RDX: variants seen among roughly 807,000 people sequenced by gnomAD.
RDX encodes deafness, autosomal recessive 24.
RDX carries 32 observed loss-of-function variants against 83.7 expected under a neutral mutation model. The ratio of observed to expected loss-of-function variants is 0.38; its 90% CI spans 0.29 to 0.51. The LOEUF (loss-of-function observed/expected upper bound fraction) is 0.51, where lower values mean the gene tolerates loss of function less well. RDX is among the 20% of genes least tolerant of loss of function. RDX has a pLI of 0.87. For synonymous variants in RDX, 229 were observed against 222.7 expected, an observed-to-expected ratio of 1.03 and a Z score of -0.25; for missense variants, 600 against 689.9, an observed-to-expected ratio of 0.87 and a Z score of 1.46.
At chr11:110,200,626 G>C (rs1438415309) in intron 14 of RDX, among the ~76,000 whole-genome samples, 4 of 152,168 alleles carry the variant, frequency 2.6e-5, no homozygotes, top group African/African-American at 7.2e-5. Flanking sequence ...GAGTGATTTT[G>C]TTTCTAGGCA....
At chr11:110,186,639 C>A (rs1862993102) in intron 15 of RDX, among the ~76,000 whole-genome samples, 1 of 151,954 alleles carries the variant, frequency 6.6e-6, no homozygotes, top group Non-Finnish European at 1.5e-5. Flanking sequence ...GTGAGTGACG[C>A]CCCAGAAACT....
At chr11:110,194,251 T>C (rs1283419833) in intron 15 of RDX, among the ~76,000 whole-genome samples, 1 of 152,188 alleles carries the variant, frequency 6.6e-6, no homozygotes, top group African/African-American at 2.4e-5. Flanking sequence ...GCCCCTGCCA[T>C]AGGGTAACAA....
rs575058152 is a variant in RDX, at chr11:110,199,004, G to A, written c.*31+577C>T. On this transcript the variant is annotated intron_variant, in intron 15 of 15. Transcript: ENST00000528498. ...TTTTTTTTGTATTTTTAGTAGAGAC[G>A]GGGTTTCACCATGTTGGCCAGGCTA... Among the ~76,000 whole-genome samples, 15 of 151,990 alleles carry A rather than the reference G, an allele frequency of 9.9e-5. No individual in the cohort carries two copies. The South Asian group carries it at 2.1e-3, about 21-fold the overall frequency.
chr11:110,229,858 G>A lies in RDX; in HGVS notation c.*2011C>T, dbSNP rs1475889341. 1 of 152,404 alleles carries A rather than the reference G, an allele frequency of 6.6e-6. No individual in the cohort carries two copies. The highest frequency in any genetic ancestry group is 1.5e-5 in the Non-Finnish European group (1 of 67,924). The allele number at this position is 152,404 out of a possible 1,614,324, so 9.4% of individuals were successfully genotyped here. A position where few individuals can be genotyped will look rare whatever the true frequency, so the allele number is the denominator to read the frequency against. On this transcript the variant is annotated 3_prime_UTR_variant, in exon 14 of 14. Coordinates refer to ENST00000645495, the MANE Select transcript of RDX (RefSeq NM_002906.4). ...TAACAAAAATCCAATGAAAGTTCAG[G>A]TTTTTATCTATTATGCAATTGCTTT...
chr11:110,261,569 T>C (rs1380408156), intron 5 of RDX, among the ~76,000 whole-genome samples: 1 of 152,148 alleles, frequency 6.6e-6, no homozygotes, highest in Non-Finnish European at 1.5e-5. Flanking sequence ...CGATATACCA[T>C]ACTGGAATAA....
At chr11:110,182,880 A>T (rs1032805129) in intron 15 of RDX, among the ~76,000 whole-genome samples, 9 of 152,160 alleles carry the variant, frequency 5.9e-5, no homozygotes, top group African/African-American at 2.2e-4. Flanking sequence ...TTTGGGGAGG[A>T]ACAAAATAAA....
chr11:110,292,738 G>T (rs764578924), intron 1 of RDX, among the ~76,000 whole-genome samples: 1 of 151,408 alleles, frequency 6.6e-6, no homozygotes, highest in South Asian at 2.1e-4. Flanking sequence ...ATTACTAATA[G>T]CTTTATAAAT....
At chr11:110,245,206 C>T (rs754488680) in intron 10 of RDX, among the ~76,000 whole-genome samples, 1 of 152,156 alleles carries the variant, frequency 6.6e-6, no homozygotes, top group Non-Finnish European at 1.5e-5. Flanking sequence ...CCCGCCTCAG[C>T]CTCCCAAAGT....
intron 13 of RDX, among the ~76,000 whole-genome samples, chr11:110,232,530 T>C (rs1864680586): frequency 6.7e-6 from 1 of 148,496 alleles, no homozygotes; most frequent in Non-Finnish European, 1.5e-5. Context: ...TATACTGACC[T>C]TTTGCCAATA....
At chr11:110,192,113 A>G (rs558715872) in intron 15 of RDX, among the ~76,000 whole-genome samples, 2 of 152,316 alleles carry the variant, frequency 1.3e-5, no homozygotes, top group South Asian at 2.1e-4. Flanking sequence ...AACCAGAGGC[A>G]TCACGTAACC....
rs1227926959 is a variant in RDX, at chr11:110,184,135, G to A, written c.*32-8901C>T. 6.6e-5 allele frequency among the ~76,000 whole-genome samples: 10 copies of A among 152,340 alleles called. No individual in the cohort carries two copies. In the South Asian group the frequency reaches 1.2e-3, roughly 19 times the overall value. On this transcript the variant is annotated intron_variant, in intron 15 of 15. Coordinates refer to the RDX transcript ENST00000528498. ...GAGCACGTGAGAGCCCAAGGGCAGAGGGGATGATAGAACAATCTGGCGCTG... is the reference window on the plus strand; with the variant it reads ...GAGCACGTGAGAGCCCAAGGGCAGAAGGGATGATAGAACAATCTGGCGCTG...
intron 3 of RDX, among the ~76,000 whole-genome samples, chr11:110,265,078 T>TC (rs929062003): frequency 6.6e-6 from 1 of 150,690 alleles, no homozygotes. Context: ...AATTTTTCTT[T>TC]TTTTTTTTTT....
chr11:110,282,872 G>C (rs547276426), intron 1 of RDX, among the ~76,000 whole-genome samples: 18 of 152,136 alleles, frequency 1.2e-4, no homozygotes, highest in Admixed American at 2.6e-4. Context: ...AGCTACTCAA[G>C]AGGCTAAGGC....
chr11:110,210,214 A>G lies in RDX; in HGVS notation c.1749-10536T>C, dbSNP rs1052738618. Among the ~76,000 whole-genome samples the G allele has an allele frequency of 1.5e-4, 20 of 134,690 alleles. No individual in the cohort carries two copies. The East Asian group carries it at 3.3e-3, about 22-fold the overall frequency. The allele number at this position is 134,690 out of a possible 152,430, so 88.4% of individuals were successfully genotyped here. ...ATGCAGAAGCCTCAGGAGCCGATGC[A>G]ATCAACTGGAAGAAAGGGTATCAGC... On this transcript the variant is annotated intron_variant, in intron 14 of 15. Transcript: ENST00000528498.
intron 3 of RDX, among the ~76,000 whole-genome samples, chr11:110,266,428 T>A (rs982076012): frequency 6.6e-6 from 1 of 152,122 alleles, no homozygotes; most frequent in African/African-American, 2.4e-5. Flanking sequence ...ATATGTTTTT[T>A]AAAAAAATCT....
chr11:110,184,869 A>G (rs1862956002), intron 15 of RDX, among the ~76,000 whole-genome samples: 1 of 152,186 alleles, frequency 6.6e-6, no homozygotes, highest in African/African-American at 2.4e-5. Context: ...AGCCAGATAA[A>G]ACATATCTAC....
At chr11:110,232,080 A>G in intron 13 of RDX, 47 bp from the exon 14 acceptor site, 1 of 1,455,684 alleles carries the variant, frequency 6.9e-7, no homozygotes, top group East Asian at 2.4e-5. Context: ...TCTTAGATTT[A>G]AAAAAATTTA....
chr11:110,176,811 G>T (rs533813715), intron 15 of RDX, among the ~76,000 whole-genome samples: 30 of 152,300 alleles, frequency 2.0e-4, no homozygotes, highest in South Asian at 6.2e-4. Context: ...GGAGCCGAAG[G>T]TGGTGGGTGC....
intron 1 of RDX, among the ~76,000 whole-genome samples, chr11:110,296,186 C>T (rs886562696): frequency 1.3e-5 from 2 of 152,248 alleles, no homozygotes; most frequent in South Asian, 4.1e-4. Flanking sequence ...AATCCCGCGG[C>T]GGCGAAGGTC....
Sources: gnomAD v4.1 joint callset for allele counts (sites outside exome capture counted in the v4.1 genomes callset) on GRCh38, gnomAD v4.1.1 for gene constraint, MANE v1.5 for transcripts, NCBI Gene and HGNC (gene_info 2026-07-23, HGNC 2026-07-21) for gene names.